The following PIK3CB variants were observed in gnomAD, a reference collection of about 807,000 sequenced individuals.
The protein encoded by PIK3CB is phosphatidylinositol 4,5-bisphosphate 3-kinase catalytic subunit beta isoform.
PIK3CB carries 39 observed loss-of-function variants against 136.8 expected under a neutral mutation model. That is an observed-to-expected ratio of 0.29 (90% CI 0.22 to 0.37). The LOEUF is 0.37. Ranked by LOEUF, PIK3CB falls within the 10% of genes least tolerant of loss-of-function variation. The pLI is 1.00. For synonymous variants in PIK3CB, 428 were observed against 436.6 expected (o/e 0.98, Z 0.25); for missense variants, 868 against 1,275.4 (o/e 0.68, Z 4.87).
chr3:138,731,504 T>C (rs2044972465), intron 8 of PIK3CB, among the ~76,000 whole-genome samples: 1 of 151,940 alleles, frequency 6.6e-6, no homozygotes, highest in East Asian at 2.0e-4. Context: ...CTGCCCGCCT[T>C]GGCCTCCCAA....
intron 1 of PIK3CB, among the ~76,000 whole-genome samples, chr3:138,828,954 A>ATTTTTTTT (rs34176247): frequency 7.6e-6 from 1 of 130,848 alleles, no homozygotes; most frequent in African/African-American, 2.9e-5. Context: ...CACCAGGCTA[A>ATTTTTTTT]TTTTTTTTTT....
intron 2 of PIK3CB, among the ~76,000 whole-genome samples, chr3:138,770,998 C>T (rs571692593): frequency 6.6e-6 from 1 of 152,076 alleles, no homozygotes; most frequent in Non-Finnish European, 1.5e-5. Flanking sequence ...GTGTGAGCCA[C>T]TGCACCTGGC....
intron 13 of PIK3CB, 57 bp downstream of exon 13, chr3:138,698,850 T>C (rs1019663312): frequency 3.9e-6 from 4 of 1,012,984 alleles, no homozygotes; most frequent in Non-Finnish European, 5.8e-6. Flanking sequence ...ATACTTTATG[T>C]GAATCCAACC....
intron 2 of PIK3CB, among the ~76,000 whole-genome samples, chr3:138,767,187 A>T (rs903935561): frequency 1.3e-5 from 2 of 152,152 alleles, no homozygotes; most frequent in Non-Finnish European, 2.9e-5. Context: ...AAACGAAACC[A>T]AAAACAAAAA....
chr3:138,681,072 A>G (rs1194071398), intron 19 of PIK3CB, among the ~76,000 whole-genome samples: 1 of 140,780 alleles, frequency 7.1e-6, no homozygotes, highest in Non-Finnish European at 1.5e-5. Context: ...TTTGAGACAG[A>G]GTCTCACTTT....
At chr3:138,717,526 T>G (rs1341503686) in intron 8 of PIK3CB, among the ~76,000 whole-genome samples, 1 of 112,074 alleles carries the variant, frequency 8.9e-6, no homozygotes, top group Admixed American at 1.1e-4. Flanking sequence ...ATAGAAATTT[T>G]TTGTGGTTTT....
intron 2 of PIK3CB, among the ~76,000 whole-genome samples, chr3:138,796,242 G>A (rs1009465368): frequency 6.6e-6 from 1 of 151,750 alleles, no homozygotes; most frequent in Non-Finnish European, 1.5e-5. Context: ...AATATTAGCC[G>A]GGCATTGTGG....
At chr3:138,765,475 T>C (rs1229287152) in intron 2 of PIK3CB, among the ~76,000 whole-genome samples, 3 of 152,126 alleles carry the variant, frequency 2.0e-5, no homozygotes, top group African/African-American at 7.2e-5. Flanking sequence ...GTGATACCTT[T>C]ATATGAAATC....
chr3:138,693,964 TATTATA>T (rs1244747331), intron 14 of PIK3CB, among the ~76,000 whole-genome samples: 12 of 36,638 alleles, frequency 3.3e-4, no homozygotes, highest in African/African-American at 1.2e-3. Flanking sequence ...TATATATATA[TATTATA>T]TATATATATA....
intron 15 of PIK3CB, among the ~76,000 whole-genome samples, chr3:138,690,559 T>G (rs1332869927): frequency 6.6e-6 from 1 of 152,050 alleles, no homozygotes; most frequent in Non-Finnish European, 1.5e-5. Flanking sequence ...TACCTTTACC[T>G]TCACTCAATA....
intron 2 of PIK3CB, among the ~76,000 whole-genome samples, chr3:138,790,356 T>C (rs1172116163): frequency 6.6e-6 from 1 of 151,670 alleles, no homozygotes; most frequent in Non-Finnish European, 1.5e-5. Context: ...CTCACACCTA[T>C]AATCCTAGCA....
intron 2 of PIK3CB, among the ~76,000 whole-genome samples, chr3:138,789,303 CA>C (rs1281643324): frequency 6.6e-6 from 1 of 151,868 alleles, no homozygotes; most frequent in Non-Finnish European, 1.5e-5. Flanking sequence ...AATAAAAATA[CA>C]AAAAATTAGC....
At chr3:138,703,196 C>T (rs2044290367) in intron 12 of PIK3CB, among the ~76,000 whole-genome samples, 1 of 152,078 alleles carries the variant, frequency 6.6e-6, no homozygotes, top group South Asian at 2.1e-4. Context: ...ATTCAAAAGA[C>T]AAAATTTAAG....
At chr3:138,751,468 A>C (rs1239958838) in intron 4 of PIK3CB, among the ~76,000 whole-genome samples, 1 of 152,048 alleles carries the variant, frequency 6.6e-6, no homozygotes, top group African/African-American at 2.4e-5. Flanking sequence ...AAAAAAAAAA[A>C]AGAAATTTTA....
chr3:138,712,960 G>T (rs889469501), intron 9 of PIK3CB, among the ~76,000 whole-genome samples: 7 of 152,078 alleles, frequency 4.6e-5, no homozygotes, highest in Non-Finnish European at 7.4e-5. Context: ...CAATATGGAA[G>T]GAGATAATGT....
chr3:138,705,712 G>A (rs1397775143), intron 11 of PIK3CB, among the ~76,000 whole-genome samples: 1 of 152,148 alleles, frequency 6.6e-6, no homozygotes, highest in Non-Finnish European at 1.5e-5. Flanking sequence ...TTGTACTCAA[G>A]CGGATTGAGG....
intron 1 of PIK3CB, among the ~76,000 whole-genome samples, chr3:138,831,518 G>A (rs760253109): frequency 2.0e-5 from 3 of 151,838 alleles, no homozygotes; most frequent in Non-Finnish European, 4.4e-5. Flanking sequence ...CCGGGGAGGC[G>A]GAGGTTGCAG....
intron 19 of PIK3CB, among the ~76,000 whole-genome samples, chr3:138,668,757 A>C (rs570751534): frequency 1.8e-4 from 27 of 152,308 alleles, no homozygotes; most frequent in Non-Finnish European, 3.7e-4. Context: ...CACTGTGGTG[A>C]AGTCAGGGCC....
chr3:138,826,196 T>A, intron 1 of PIK3CB: 4 of 1,269,280 alleles, frequency 3.2e-6, no homozygotes, highest in Non-Finnish European at 3.4e-6. Context: ...TCTAGGACTA[T>A]CCTCCTCTGG....
Sources: gnomAD v4.1 joint callset for allele counts (sites outside exome capture counted in the v4.1 genomes callset) on GRCh38, gnomAD v4.1.1 for gene constraint, MANE v1.5 for transcripts, NCBI Gene and HGNC (gene_info 2026-07-23, HGNC 2026-07-21) for gene names.